Variants in KANK1 observed in about 807,000 individuals in gnomAD.
KANK1 encodes the protein KN motif and ankyrin repeat domains 1.
KANK1 carries 109 observed loss-of-function variants against 106.2 expected under a neutral mutation model. The ratio of observed to expected loss-of-function variants is 1.03; its 90% confidence interval spans 0.88 to 1.20. The LOEUF (loss-of-function observed/expected upper bound fraction) is 1.20, where lower values mean the gene tolerates loss of function less well. Among genes scored for constraint, KANK1 ranks in the 50% most tolerant of loss-of-function variants. KANK1 has a pLI of 0.00. For missense variants in KANK1, 2,399 were observed against 1,710.7 expected (o/e 1.40, Z -7.10); for synonymous variants, 873 against 652.2 (o/e 1.34, Z -5.16).
At chr9:545,210 C>G (rs897048757) in intron 1 of KANK1, among the ~76,000 whole-genome samples, 1 of 151,964 alleles carries the variant, frequency 6.6e-6, no homozygotes, top group East Asian at 2.0e-4. Context: ...AGGCAAACAT[C>G]AAGCCCAGTG....
chr9:716,319 G>GA (rs1352473108), intron 3 of KANK1, among the ~76,000 whole-genome samples: 1 of 152,216 alleles, frequency 6.6e-6, no homozygotes, highest in African/African-American at 2.4e-5. Context: ...AATGCTCAAT[G>GA]AAAGTTGGCT....
At chr9:534,351 A>C (rs2060200379) in intron 1 of KANK1, among the ~76,000 whole-genome samples, 1 of 152,198 alleles carries the variant, frequency 6.6e-6, no homozygotes, top group Non-Finnish European at 1.5e-5. Context: ...TTTGGTCTCA[A>C]AAATTTGTGC....
intron 1 of KANK1, among the ~76,000 whole-genome samples, chr9:652,444 A>G (rs924112100): frequency 6.6e-6 from 1 of 152,204 alleles, no homozygotes; most frequent in Non-Finnish European, 1.5e-5. Context: ...AATCACTTGA[A>G]TCTGGTAGGC....
chr9:556,588 A>G (rs545561521), intron 1 of KANK1, among the ~76,000 whole-genome samples: 2 of 152,236 alleles, frequency 1.3e-5, no homozygotes, highest in Non-Finnish European at 2.9e-5. Flanking sequence ...TCATTACTTC[A>G]TTGATCCAAA....
Position 712,344 on chromosome 9 carries a change from G to C in KANK1, c.1578G>C (p.Met526Ile). The change falls in exon 3 of 12, where the codon ATG (methionine) becomes ATC (isoleucine). Residue 526 changes from methionine to isoleucine, a missense_variant. Coordinates refer to ENST00000382297, the MANE Select transcript of KANK1 (RefSeq NM_015158.5). ...VEAVVQTRDQ[M>I]VGSHMDLVDT... ...CAGTGGTGCAGACCAGAGACCAAAT[G>C]GTCGGCAGTCACATGGACCTGGTGG... 1 of 1,614,198 alleles carries C rather than the reference G, an allele frequency of 6.2e-7. No individual in the cohort carries two copies. Among genetic ancestry groups the C allele is most frequent in the Non-Finnish European group, 8.5e-7 (1 of 1,180,044 alleles).
At chr9:688,868 C>T (rs1048997107) in intron 2 of KANK1, among the ~76,000 whole-genome samples, 6 of 152,118 alleles carry the variant, frequency 3.9e-5, no homozygotes, top group Admixed American at 3.3e-4. Context: ...TGGTTGCAAC[C>T]GTAGGTAAGA....
intron 8 of KANK1, among the ~76,000 whole-genome samples, chr9:740,272 A>G (rs532121094): frequency 9.2e-5 from 14 of 152,298 alleles, no homozygotes; most frequent in African/African-American, 3.1e-4. Flanking sequence ...TGGATGTTAT[A>G]TGATTGGAAT....
At chr9:676,630 C>T (rs1188213003) in intron 1 of KANK1, among the ~76,000 whole-genome samples, 2 of 152,152 alleles carry the variant, frequency 1.3e-5, no homozygotes, top group African/African-American at 2.4e-5. Context: ...AAAATAGTCT[C>T]ATTTCTAGAG....
intron 1 of KANK1, among the ~76,000 whole-genome samples, chr9:546,122 C>A (rs1232404463): frequency 6.6e-6 from 1 of 152,052 alleles, no homozygotes; most frequent in African/African-American, 2.4e-5. Context: ...GTGAGTGGAC[C>A]GTGCATGGGA....
Position 712,737 on chromosome 9 carries a change from G to A in KANK1, c.1971G>A (p.Gln657=), listed in dbSNP as rs568996245. The change falls in exon 3 of 12, where the codon CAG becomes CAA. Residue 657 remains glutamine, a synonymous_variant. Coordinates refer to ENST00000382297, the MANE Select transcript of KANK1 (RefSeq NM_015158.5). ...SRGVNTEAVS[Q]VEAAVMAVPR... ...GCGTGAACACTGAGGCTGTTAGCCA[G>A]GTGGAAGCTGCCGTCATGGCAGTGC... 4.3e-4 allele frequency: 691 copies of A among 1,614,008 alleles called. 12 individuals carry two copies. The South Asian group carries it at 7.3e-3, about 17-fold the overall frequency.
chr9:571,976 A>C (rs1819294021), intron 1 of KANK1, among the ~76,000 whole-genome samples: 1 of 151,984 alleles, frequency 6.6e-6, no homozygotes, highest in South Asian at 2.1e-4. Context: ...GTGCAGAACA[A>C]CTCGGAACTT....
intron 2 of KANK1, chr9:684,066 C>G: frequency 8.0e-6 from 5 of 624,648 alleles, no homozygotes; most frequent in Non-Finnish European, 9.9e-6. Context: ...AGAATTCACC[C>G]AGCCCCCGGA....
At chr9:559,495 G>T (rs1172003357) in intron 1 of KANK1, among the ~76,000 whole-genome samples, 1 of 152,076 alleles carries the variant, frequency 6.6e-6, no homozygotes, top group East Asian at 1.9e-4. Context: ...GTCCAGGCCT[G>T]GTTTCATTAT....
chr9:672,768 G>T (rs1232910910), intron 1 of KANK1, among the ~76,000 whole-genome samples: 1 of 152,162 alleles, frequency 6.6e-6, no homozygotes, highest in Non-Finnish European at 1.5e-5. Flanking sequence ...GTCATTCATT[G>T]TACCTTACTT....
chr9:470,618 C>T (rs1413919282), exon 2 of KANK1: 1 of 152,418 alleles, frequency 6.6e-6, no homozygotes, highest in Non-Finnish European at 1.5e-5. Flanking sequence ...CAACCCATCC[C>T]CTGCCACAAG....
chr9:627,636 G>C (rs1329516345), intron 1 of KANK1, among the ~76,000 whole-genome samples: 3 of 152,154 alleles, frequency 2.0e-5, no homozygotes. Flanking sequence ...GTCTTCTTCA[G>C]TCTGCTATTT....
chr9:643,032 G>A lies in KANK1; in HGVS notation c.-83-33858G>A, dbSNP rs756157686. Among the ~76,000 whole-genome samples the A allele has an allele frequency of 8.6e-5, 13 of 150,632 alleles. 1 individual carries two copies. Among genetic ancestry groups the A allele is most frequent in the Non-Finnish European group, 1.6e-4 (11 of 68,012 alleles). On this transcript the variant is annotated intron_variant, in intron 1 of 11. Transcript: ENST00000382297. The stretch of plus-strand genomic sequence containing the variant: ...GCACCTTTTAATAAAAAAGAGGAAA[G>A]CCTATTTGGAAACATATAAAAATAG...
intron 2 of KANK1, among the ~76,000 whole-genome samples, chr9:702,097 T>C (rs1458885520): frequency 6.6e-6 from 1 of 152,156 alleles, no homozygotes; most frequent in Non-Finnish European, 1.5e-5. Flanking sequence ...TGGTCTGAAC[T>C]TGGAGAGTTT....
At chr9:707,318 C>A (rs562962812) in intron 2 of KANK1, 16 of 831,428 alleles carry the variant, frequency 1.9e-5, no homozygotes, top group Non-Finnish European at 2.3e-5. Flanking sequence ...CGAGGGGGGC[C>A]GGCCGGGAAG....
Sources: gnomAD v4.1 joint callset for allele counts (sites outside exome capture counted in the v4.1 genomes callset) on GRCh38, gnomAD v4.1.1 for gene constraint, MANE v1.5 for transcripts, NCBI Gene and HGNC (gene_info 2026-07-23, HGNC 2026-07-21) for gene names.